SDK1: variants seen among roughly 807,000 people sequenced by gnomAD.
SDK1 encodes sidekick cell adhesion molecule 1, also known as protein sidekick-1.
In SDK1, 157 loss-of-function variants were observed where a neutral mutation model predicts 245.5. The observed-to-expected ratio is 0.64, with a 90% CI of 0.56 to 0.73. SDK1 has a LOEUF of 0.73. Among genes scored for constraint, SDK1 ranks in the 30% least tolerant of loss-of-function variants. The probability of loss-of-function intolerance (pLI) is 0.00; values close to 1 mark genes in which losing one functional copy is unlikely to be tolerated. For synonymous variants in SDK1, 1,647 were observed against 1,278.5 expected (o/e 1.29, Z -6.15); for missense variants, 3,583 against 3,002.3 (o/e 1.19, Z -4.52).
chr7:3,955,600 G>C (rs1336011249), intron 7 of SDK1, among the ~76,000 whole-genome samples: 1 of 152,192 alleles, frequency 6.6e-6, no homozygotes, highest in Admixed American at 6.5e-5. Flanking sequence ...GAGGGCATGC[G>C]TGGGACATGC....
intron 1 of SDK1, among the ~76,000 whole-genome samples, chr7:3,331,502 G>A (rs1027413582): frequency 4.6e-5 from 7 of 152,200 alleles, no homozygotes; most frequent in Admixed American, 1.3e-4. Context: ...GTCTTACTGA[G>A]TTGTAATAAT....
chr7:4,259,275 C>A (rs568913442), intron 44 of SDK1, among the ~76,000 whole-genome samples: 1 of 152,112 alleles, frequency 6.6e-6, no homozygotes. Context: ...CCCATCTCTA[C>A]TAAAAATACA....
intron 20 of SDK1, among the ~76,000 whole-genome samples, chr7:4,074,912 A>ATTTTTTTT (rs1410736866): frequency 6.5e-5 from 5 of 76,530 alleles, no homozygotes; most frequent in African/African-American, 5.2e-4. Context: ...ATATATATAT[A>ATTTTTTTT]TATATTTTTT....
At chr7:3,451,864 T>C (rs1780525895) in intron 1 of SDK1, among the ~76,000 whole-genome samples, 1 of 152,120 alleles carries the variant, frequency 6.6e-6, no homozygotes. Flanking sequence ...CTTAGAGAAG[T>C]GTATGCAGGT....
intron 22 of SDK1, among the ~76,000 whole-genome samples, chr7:4,106,513 G>C (rs1782921268): frequency 6.6e-6 from 1 of 151,988 alleles, no homozygotes; most frequent in African/African-American, 2.4e-5. Flanking sequence ...GGCCAGGATG[G>C]TCTCAATCTC....
chr7:3,908,019 T>C (rs900561586), intron 5 of SDK1, among the ~76,000 whole-genome samples: 2 of 152,218 alleles, frequency 1.3e-5, no homozygotes, highest in Middle Eastern at 3.2e-3. Flanking sequence ...TCATTCCTGC[T>C]TTGATACATT....
intron 14 of SDK1, among the ~76,000 whole-genome samples, chr7:4,005,054 T>TG: frequency 7.0e-6 from 1 of 143,570 alleles, no homozygotes; most frequent in Non-Finnish European, 1.5e-5. Context: ...TTTTTTTTTT[T>TG]TTTTTTTTTT....
At chr7:3,852,215 T>C (rs867662178) in intron 5 of SDK1, among the ~76,000 whole-genome samples, 1 of 152,018 alleles carries the variant, frequency 6.6e-6, no homozygotes, top group Middle Eastern at 3.2e-3. Flanking sequence ...TTAAATCATT[T>C]TGAAATTTTG....
chr7:3,764,313 G>C (rs557618729), intron 4 of SDK1, among the ~76,000 whole-genome samples: 3 of 152,170 alleles, frequency 2.0e-5, no homozygotes, highest in South Asian at 4.1e-4. Context: ...CATCCTACTG[G>C]ACAAAATACC....
At chr7:3,677,573 A>G (rs892006571) in intron 4 of SDK1, among the ~76,000 whole-genome samples, 12 of 152,228 alleles carry the variant, frequency 7.9e-5, no homozygotes, top group East Asian at 1.9e-4. Flanking sequence ...CCGTGATTCA[A>G]TTATCTCCAC....
At chr7:3,609,560 C>A (rs978467474) in intron 1 of SDK1, among the ~76,000 whole-genome samples, 3 of 151,896 alleles carry the variant, frequency 2.0e-5, no homozygotes, top group African/African-American at 7.3e-5. Flanking sequence ...GCCACCATAC[C>A]CGGCTAATTT....
intron 1 of SDK1, among the ~76,000 whole-genome samples, chr7:3,421,354 G>C (rs942800895): frequency 6.6e-6 from 1 of 152,004 alleles, no homozygotes; most frequent in South Asian, 2.1e-4. Context: ...GGGATTACAG[G>C]TGCAAGCCAC....
intron 23 of SDK1, among the ~76,000 whole-genome samples, chr7:4,112,623 A>G (rs531488094): frequency 2.6e-5 from 4 of 152,304 alleles, no homozygotes; most frequent in Admixed American, 6.5e-5. Flanking sequence ...AGGGCAACTG[A>G]TGACATCAAT....
chr7:3,360,800 C>T (rs1780930705), intron 1 of SDK1, among the ~76,000 whole-genome samples: 1 of 152,074 alleles, frequency 6.6e-6, no homozygotes, highest in Admixed American at 6.6e-5. Flanking sequence ...GAGAAGACTC[C>T]ACTCTGTTAT....
intron 4 of SDK1, among the ~76,000 whole-genome samples, chr7:3,732,492 T>C (rs1183108063): frequency 6.6e-6 from 1 of 152,256 alleles, no homozygotes; most frequent in Non-Finnish European, 1.5e-5. Flanking sequence ...ATCATCTCTT[T>C]AATAGTTCGG....
chr7:3,492,104 A>G (rs909613858), intron 1 of SDK1, among the ~76,000 whole-genome samples: 1 of 152,200 alleles, frequency 6.6e-6, no homozygotes, highest in Non-Finnish European at 1.5e-5. Context: ...TAAAACTTAA[A>G]TTTCCCCTAA....
intron 13 of SDK1, among the ~76,000 whole-genome samples, chr7:3,976,007 C>G (rs1282650663): frequency 2.1e-4 from 1 of 4,740 alleles, no homozygotes; most frequent in Non-Finnish European, 5.0e-4. Flanking sequence ...GAGGCTGCCA[C>G]GCAGAGGATC....
At chr7:3,689,386 C>G (rs1784380339) in intron 4 of SDK1, among the ~76,000 whole-genome samples, 1 of 152,086 alleles carries the variant, frequency 6.6e-6, no homozygotes, top group Non-Finnish European at 1.5e-5. Context: ...TAGCTACCAT[C>G]CTGCCGTTAT....
At chr7:3,549,445 A>G (rs1055545763) in intron 1 of SDK1, among the ~76,000 whole-genome samples, 2 of 152,056 alleles carry the variant, frequency 1.3e-5, no homozygotes, top group African/African-American at 4.8e-5. Context: ...AAATTTTAAT[A>G]TGCTAAATAT....
Sources: allele counts gnomAD v4.1 joint callset (sites outside exome capture counted in the v4.1 genomes callset), GRCh38; gene constraint gnomAD v4.1.1; transcripts MANE v1.5; gene names NCBI Gene and HGNC (gene_info 2026-07-23, HGNC 2026-07-21).